The following NEBL variants were observed in gnomAD, a reference collection of about 807,000 sequenced individuals.
The protein encoded by NEBL is LIM and SH3 protein 2.
NEBL carries 122 observed loss-of-function variants against 140.2 expected under a neutral mutation model. That is an observed-to-expected ratio of 0.87 (90% CI 0.75 to 1.01). NEBL has a LOEUF of 1.01. NEBL is among the 50% of genes least tolerant of loss of function. The pLI is 0.00. For missense variants in NEBL, 1,365 were observed against 1,231.3 expected (o/e 1.11, Z -1.62); for synonymous variants, 436 against 398.9 (o/e 1.09, Z -1.11).
At chr10:20,788,826 A>G (rs1041104670) in intron 26 of NEBL, among the ~76,000 whole-genome samples, 4 of 152,234 alleles carry the variant, frequency 2.6e-5, no homozygotes, top group Non-Finnish European at 5.9e-5. Flanking sequence ...TGAAATTCCC[A>G]TAGATCTCCA....
chr10:20,990,495 C>T (rs1288814790), intron 3 of NEBL, among the ~76,000 whole-genome samples: 1 of 152,158 alleles, frequency 6.6e-6, no homozygotes, highest in Non-Finnish European at 1.5e-5. Flanking sequence ...ATCTGCAAAC[C>T]AGCAAGAGGG....
intron 2 of NEBL, among the ~76,000 whole-genome samples, chr10:21,048,747 G>A (rs1237755668): frequency 6.6e-6 from 1 of 152,182 alleles, no homozygotes; most frequent in Non-Finnish European, 1.5e-5. Context: ...TGTAATCCCA[G>A]AAATTTGGGA....
intron 3 of NEBL, among the ~76,000 whole-genome samples, chr10:21,216,189 C>G (rs1841990480): frequency 6.6e-6 from 1 of 152,148 alleles, no homozygotes; most frequent in Non-Finnish European, 1.5e-5. Flanking sequence ...CTCTGAACCA[C>G]CAGAACACAT....
At chr10:20,943,442 G>A (rs1395354833) in intron 4 of NEBL, among the ~76,000 whole-genome samples, 1 of 152,148 alleles carries the variant, frequency 6.6e-6, no homozygotes, top group East Asian at 1.9e-4. Flanking sequence ...GCCTGTGGTG[G>A]GTTGGGGAGA....
At chr10:21,156,605 T>G (rs575801005) in intron 2 of NEBL, among the ~76,000 whole-genome samples, 8 of 152,240 alleles carry the variant, frequency 5.3e-5, no homozygotes, top group Admixed American at 5.2e-4. Context: ...CGTGCTTTTT[T>G]TTTTTAGGAG....
chr10:20,971,581 T>C (rs1836572406), intron 3 of NEBL, among the ~76,000 whole-genome samples: 1 of 144,860 alleles, frequency 6.9e-6, no homozygotes, highest in African/African-American at 2.5e-5. Flanking sequence ...TATCTCCCAA[T>C]GCTATCCCTC....
At chr10:20,899,546 A>G, upstream of NEBL, 2 of 589,560 alleles carry the variant, frequency 3.4e-6, no homozygotes, top group Non-Finnish European at 5.1e-6. Context: ...TCCATTTGAG[A>G]TTCTAGAATC....
At chr10:20,788,027 T>C (rs1835579888) in intron 26 of NEBL, among the ~76,000 whole-genome samples, 2 of 152,182 alleles carry the variant, frequency 1.3e-5, no homozygotes, top group Admixed American at 1.3e-4. Flanking sequence ...AGTATTCATT[T>C]AGTATGTGCT....
chr10:21,127,920 A>G (rs887426356), intron 2 of NEBL, among the ~76,000 whole-genome samples: 2 of 152,246 alleles, frequency 1.3e-5, no homozygotes, highest in Non-Finnish European at 2.9e-5. Context: ...AAATGTGAAC[A>G]TGAACTGTGT....
intron 4 of NEBL, among the ~76,000 whole-genome samples, chr10:20,943,529 T>G (rs1320465554): frequency 6.6e-6 from 1 of 152,124 alleles, no homozygotes; most frequent in African/African-American, 2.4e-5. Flanking sequence ...ACATGGCACA[T>G]GTATACATAT....
At chr10:21,159,463 C>A (rs1292302669) in intron 2 of NEBL, among the ~76,000 whole-genome samples, 3 of 152,218 alleles carry the variant, frequency 2.0e-5, no homozygotes, top group African/African-American at 7.2e-5. Context: ...ACAGAGACTA[C>A]GTGTTCTAAA....
chr10:20,798,340 C>T (rs1836778187), intron 26 of NEBL, among the ~76,000 whole-genome samples: 1 of 152,108 alleles, frequency 6.6e-6, no homozygotes, highest in South Asian at 2.1e-4. Context: ...CCAATCCCCA[C>T]AACCTACACG....
intron 3 of NEBL, among the ~76,000 whole-genome samples, chr10:20,991,857 A>T (rs1223723175): frequency 6.7e-6 from 1 of 149,952 alleles, no homozygotes; most frequent in Non-Finnish European, 1.5e-5. Flanking sequence ...TACAGATGAG[A>T]ACATGCAGTG....
intron 3 of NEBL, among the ~76,000 whole-genome samples, chr10:21,191,492 T>C (rs891735747): frequency 1.3e-5 from 2 of 152,136 alleles, no homozygotes; most frequent in African/African-American, 4.8e-5. Context: ...GGATACCAGG[T>C]TAGGAAGTCA....
intron 3 of NEBL, among the ~76,000 whole-genome samples, chr10:21,221,112 C>A (rs765836176): frequency 6.6e-6 from 1 of 152,114 alleles, no homozygotes; most frequent in African/African-American, 2.4e-5. Flanking sequence ...TATAACCACA[C>A]CACTGCACTC....
At chr10:21,202,725 T>G (rs909705091) in intron 3 of NEBL, among the ~76,000 whole-genome samples, 3 of 152,046 alleles carry the variant, frequency 2.0e-5, no homozygotes, top group African/African-American at 7.2e-5. Flanking sequence ...CCTCCCAAAG[T>G]GCTGGGATTA....
intron 2 of NEBL, among the ~76,000 whole-genome samples, chr10:21,250,925 T>G (rs1402207503): frequency 1.3e-5 from 2 of 152,194 alleles, no homozygotes; most frequent in Non-Finnish European, 2.9e-5. Context: ...TTTGGCAATA[T>G]GGTATGTTTC....
rs71392113 is a variant in NEBL at position 21,082,761 on chromosome 10, A to ATTTTTTTT, written c.165-62568_165-62561dup. 2.6e-3 allele frequency among the ~76,000 whole-genome samples: 282 copies of ATTTTTTTT among 109,496 alleles called. 12 individuals are homozygous for ATTTTTTTT. The highest frequency in any genetic ancestry group is 3.7e-3 in the Non-Finnish European group (209 of 55,790). The allele number at this position is 109,496 out of a possible 152,430, so 71.8% of individuals were successfully genotyped here. A position where few individuals can be genotyped will look rare whatever the true frequency, so the allele number is the denominator to read the frequency against. ...ATTATGGGATATGCAGGAGGGATGCATTTTTTTTTTTTTTTTTTTGAGACA... is the reference window on the plus strand; with the variant it reads ...ATTATGGGATATGCAGGAGGGATGCATTTTTTTTTTTTTTTTTTTTTTTTTTTGAGACA... On this transcript the variant is annotated intron_variant, in intron 2 of 6. Coordinates refer to the NEBL transcript ENST00000417816.
Position 21,288,589 on chromosome 10 carries a change from C to T in NEBL, n.182+4241G>A, listed in dbSNP as rs549615569. Among the ~76,000 whole-genome samples, 20 of 149,792 alleles carry T rather than the reference C, an allele frequency of 1.3e-4. No homozygotes were observed. In the East Asian group the frequency reaches 3.1e-3, roughly 23 times the overall value. ...CAGCCTGGCCAAAATGGTGAAACCC[C>T]GTCTCTACTAAAAATACAAAAATTA... is the stretch of plus-strand genomic sequence containing the variant. On this transcript the variant is annotated intron_variant and non_coding_transcript_variant, in intron 1 of 8. Coordinates refer to the NEBL transcript ENST00000675702.
Sources: gnomAD v4.1 joint callset for allele counts (sites outside exome capture counted in the v4.1 genomes callset) on GRCh38, gnomAD v4.1.1 for gene constraint, MANE v1.5 for transcripts, NCBI Gene and HGNC (gene_info 2026-07-23, HGNC 2026-07-21) for gene names.